HDGF: variants seen among roughly 807,000 people sequenced by gnomAD.
HDGF encodes the protein heparin binding growth factor, also known as hepatoma-derived growth factor.
A neutral mutation model predicts 30.0 loss-of-function variants in HDGF; 5 were observed. That is an observed-to-expected ratio of 0.17 (90% CI 0.09 to 0.35). HDGF has a LOEUF of 0.35. Among genes scored for constraint, HDGF ranks in the 10% least tolerant of loss-of-function variants. The pLI is 1.00. For synonymous variants in HDGF, 133 were observed against 112.7 expected (o/e 1.18, Z -1.14); for missense variants, 214 against 302.8 (o/e 0.71, Z 2.18).
chr1:156,756,316 T>C (rs529311647), upstream of HDGF, among the ~76,000 whole-genome samples: 89 of 152,220 alleles, frequency 5.8e-4, no homozygotes, highest in Non-Finnish European at 1.1e-3. Flanking sequence ...AAGTGCTTAA[T>C]AAAATTGGTT....
In HDGF at chr1:156,744,316, A is replaced by T; in HGVS notation, c.336T>A (p.Pro112=). 6.2e-7 allele frequency: 1 copy of T among 1,614,034 alleles called. No individual in the cohort carries two copies. The highest frequency in any genetic ancestry group is 8.5e-7 in the Non-Finnish European group (1 of 1,179,976). ...CCTCTGCAGCTTCGGGCTCTGGTTC[A>T]GGCTCTTCCACACAGCTCTTTTTCT... ...SSQKKSCVEE[P]EPEPEAAEGD... The change falls in exon 4 of 6, where the codon CCT becomes CCA. Residue 112 remains proline, a synonymous_variant. Coordinates refer to ENST00000357325, the MANE Select transcript of HDGF (RefSeq NM_004494.3).
rs752420657 is a variant in HDGF at position 156,751,430 on chromosome 1, G to A, written c.-1C>T. ...CCTTCTGCCGGTTGGATCGCGACAT[G>A]GCGGGGCTCCGGGCGCCCCGGGCTC... On this transcript the variant is annotated 5_prime_UTR_variant, in exon 1 of 6. Transcript: ENST00000357325. This position sits in a 1 kb window ranked among gnomAD's most constrained non-coding sequence, Gnocchi z 4.7. 1.3e-6 allele frequency: 2 copies of A among 1,570,602 alleles called. No individual in the cohort carries two copies. The highest frequency in any genetic ancestry group is 1.7e-6 in the Non-Finnish European group (2 of 1,157,682).
intron 2 of HDGF, 48 bp downstream of exon 2, chr1:156,745,249 A>G (rs1326756291): frequency 6.2e-7 from 1 of 1,608,254 alleles, no homozygotes; most frequent in East Asian, 2.2e-5. Flanking sequence ...TCCCCAGAGT[A>G]GTCCTCCCGG....
upstream of HDGF, chr1:156,751,781 G>T: frequency 1.4e-6 from 1 of 721,296 alleles, no homozygotes; most frequent in Non-Finnish European, 1.6e-6. The surrounding 1 kb of genome is among the most constrained non-coding windows in gnomAD (Gnocchi z 4.7). Context: ...TCCTCCCCCC[G>T]CCCCCCAACC....
chr1:156,757,289 C>T, upstream of HDGF, among the ~76,000 whole-genome samples: 1 of 149,534 alleles, frequency 6.7e-6, no homozygotes, highest in South Asian at 2.1e-4. Context: ...ATGGTGAAAC[C>T]CCGTCTCTAC....
rs1650217818 is a variant in HDGF, at chr1:156,742,767, A to G, written c.*682T>C. On this transcript the variant is annotated 3_prime_UTR_variant, in exon 6 of 6. Coordinates refer to ENST00000357325, the MANE Select transcript of HDGF (RefSeq NM_004494.3). The stretch of plus-strand genomic sequence containing the variant: ...CTTCAGGTCTCAGGTCCTTGGCCCG[A>G]ACAACTTGGAAGCCCCAAATTCTCT... 1 of 154,800 alleles carries G rather than the reference A, an allele frequency of 6.5e-6. No homozygotes were observed. The highest frequency in any genetic ancestry group is 2.4e-5 in the African/African-American group (1 of 41,500). 9.6% of individuals were successfully genotyped at this position (154,800 alleles called of 1,614,324 possible).
chr1:156,748,656 G>C (rs11264533), intron 1 of HDGF, among the ~76,000 whole-genome samples: 38,469 of 152,140 alleles, frequency 0.25, 5,868 homozygotes, highest in Non-Finnish European at 0.35. Flanking sequence ...GAAGTTTTCA[G>C]GTAGAGTGGG....
Position 156,743,853 on chromosome 1 carries a change from G to A in HDGF, c.515C>T (p.Ala172Val), listed in dbSNP as rs1279683775. Residue 172 changes from alanine (A) to valine (V), a missense_variant, in exon 5 of 6, where the codon GCA becomes GTA. Physicochemically the swap from Ala to Val is moderately conservative, Grantham distance 64 (BLOSUM62 0). This residue lies in a region of HDGF where 176 missense variants were observed against 211.7 expected (regional missense o/e 0.83). Coordinates refer to ENST00000357325, the MANE Select transcript of HDGF (RefSeq NM_004494.3). The part of the protein sequence containing the change: ...LEDSPKRPKE[A>V]ENPEGEEKEA... ...CTTCTCCTCTCCTTCAGGGTTTTCT[G>A]CCTCCTTGGGACGTTTAGGAGAGTC... is the stretch of plus-strand genomic sequence containing the variant. The A allele has an allele frequency of 6.2e-7, 1 of 1,613,334 alleles. No homozygotes were observed. The highest frequency in any genetic ancestry group is 8.5e-7 in the Non-Finnish European group (1 of 1,179,644).
rs1650988343 is a variant in HDGF at position 156,751,650 on chromosome 1, C to G, written c.-221G>C. 13 of 1,016,572 alleles carry G rather than the reference C, an allele frequency of 1.3e-5. No homozygotes were observed. In the South Asian group the frequency reaches 4.5e-4, roughly 35 times the overall value. The allele number at this position is 1,016,572 out of a possible 1,614,324, so 63.0% of individuals were successfully genotyped here. ...GGGCAAGGCTCCGGCGCGGTGGGTG[C>G]GCGCTCGTGCAGTTGTTTGTGTTTG... On this transcript the variant is annotated 5_prime_UTR_variant, in exon 1 of 6. Transcript: ENST00000357325. This position sits in a 1 kb window ranked among gnomAD's most constrained non-coding sequence, Gnocchi z 4.7.
intron 1 of HDGF, among the ~76,000 whole-genome samples, chr1:156,749,125 C>T (rs747926243): frequency 1.1e-4 from 16 of 152,354 alleles, no homozygotes; most frequent in Non-Finnish European, 1.6e-4. Flanking sequence ...CTGCCTATCA[C>T]GTGGCCCCTC....
intron 1 of HDGF, among the ~76,000 whole-genome samples, chr1:156,762,064 C>A (rs2102741284): frequency 6.6e-6 from 1 of 151,702 alleles, no homozygotes; most frequent in African/African-American, 2.4e-5. Flanking sequence ...ATTGCTTGAG[C>A]TGGGGAGGTC....
In HDGF at chr1:156,751,518, T is replaced by C; in HGVS notation, c.-89A>G. 9.2e-7 allele frequency: 1 copy of C among 1,081,924 alleles called. No individual in the cohort carries two copies. Among genetic ancestry groups the C allele is most frequent in the Non-Finnish European group, 1.1e-6 (1 of 888,982 alleles). 67.0% of individuals were successfully genotyped at this position (1,081,924 alleles called of 1,614,324 possible). ...TGCGGCGGTGGCGGCGCCGCTCCGC[T>C]CCGGCCCTCGCGCGGCCCCCGCCTC... On this transcript the variant is annotated 5_prime_UTR_variant, in exon 1 of 6. Coordinates refer to ENST00000357325, the MANE Select transcript of HDGF (RefSeq NM_004494.3). This position sits in a 1 kb window ranked among gnomAD's most constrained non-coding sequence, Gnocchi z 4.7.
chr1:156,762,900 C>A (rs1230760283), intron 1 of HDGF, among the ~76,000 whole-genome samples: 1 of 151,776 alleles, frequency 6.6e-6, no homozygotes, highest in African/African-American at 2.4e-5. Flanking sequence ...AAAAAACTTT[C>A]CATCAGGGTG....
upstream of HDGF, chr1:156,751,878 T>C (rs1193927419): frequency 1.4e-5 from 13 of 926,594 alleles, no homozygotes; most frequent in Non-Finnish European, 1.9e-5. This position sits in a 1 kb window ranked among gnomAD's most constrained non-coding sequence, Gnocchi z 4.7. Flanking sequence ...CGGAGCCGCC[T>C]GACGGCGCGT....
chr1:156,754,764 T>C (rs182307269), upstream of HDGF, among the ~76,000 whole-genome samples: 904 of 152,142 alleles, frequency 5.9e-3, 10 homozygotes, highest in African/African-American at 0.02. Context: ...GCCAACATGG[T>C]AAAACCCCGT....
upstream of HDGF, chr1:156,752,428 C>T: frequency 7.0e-7 from 1 of 1,419,520 alleles, no homozygotes; most frequent in Non-Finnish European, 9.7e-7. Context: ...TAGCTAACCC[C>T]GCAAAGATGA....
Position 156,751,521 on chromosome 1 carries a change from G to C in HDGF, c.-92C>G. On this transcript the variant is annotated 5_prime_UTR_variant, in exon 1 of 6. Coordinates refer to ENST00000357325, the MANE Select transcript of HDGF (RefSeq NM_004494.3). This position sits in a 1 kb window ranked among gnomAD's most constrained non-coding sequence, Gnocchi z 4.7. ...GGCGGTGGCGGCGCCGCTCCGCTCCGGCCCTCGCGCGGCCCCCGCCTCGAT... is the reference window on the plus strand; with the variant it reads ...GGCGGTGGCGGCGCCGCTCCGCTCCCGCCCTCGCGCGGCCCCCGCCTCGAT... 9.4e-7 allele frequency: 1 copy of C among 1,069,510 alleles called. No homozygotes were observed. The highest frequency in any genetic ancestry group is 1.1e-6 in the Non-Finnish European group (1 of 881,196). The allele number at this position is 1,069,510 out of a possible 1,614,324, so 66.3% of individuals were successfully genotyped here.
At chr1:156,760,146 C>T (rs890785184) in intron 1 of HDGF, among the ~76,000 whole-genome samples, 6 of 152,230 alleles carry the variant, frequency 3.9e-5, no homozygotes, top group Admixed American at 6.5e-5. Flanking sequence ...TGTACAGCCA[C>T]AGCCCCCAGG....
In HDGF at chr1:156,761,640, A is replaced by C. The variant is rs79017127; in HGVS notation, n.137-2421T>G. Among the ~76,000 whole-genome samples the C allele has an allele frequency of 4.3e-3, 617 of 144,552 alleles. 5 individuals carry two copies. The highest frequency in any genetic ancestry group is 0.013 in the African/African-American group (514 of 39,288). The allele number at this position is 144,552 out of a possible 152,430, so 94.8% of individuals were successfully genotyped here. On this transcript the variant is annotated intron_variant and non_coding_transcript_variant, in intron 1 of 7. Transcript: ENST00000465180. ...AAACAAAACAAAAAACAAAAAAAAA[A>C]CCATAAAAATAAATAAATTAAAAAA... is the stretch of plus-strand genomic sequence containing the variant.
Sources: allele counts gnomAD v4.1 joint callset (sites outside exome capture counted in the v4.1 genomes callset), GRCh38; gene constraint gnomAD v4.1.1; regional missense constraint gnomAD v4.1.1; non-coding constraint Gnocchi (gnomAD v3.1); transcripts MANE v1.5; gene names NCBI Gene and HGNC (gene_info 2026-07-23, HGNC 2026-07-21).